Variants in RPTOR observed in about 807,000 individuals in gnomAD.
RPTOR encodes regulatory-associated protein of mTOR.
In RPTOR, 21 loss-of-function variants were observed where a neutral mutation model predicts 169.9. The ratio of observed to expected loss-of-function variants is 0.12; its 90% confidence interval spans 0.09 to 0.18. The LOEUF is 0.18. RPTOR is among the 10% of genes least tolerant of loss of function. The pLI, the probability that RPTOR is intolerant of heterozygous loss-of-function variation, is 1.00. For synonymous variants in RPTOR, 732 were observed against 753.2 expected (o/e 0.97, Z 0.46); for missense variants, 1,133 against 1,855.9 (o/e 0.61, Z 7.16).
intron 1 of RPTOR, among the ~76,000 whole-genome samples, chr17:80,575,442 T>A (rs1049212540): frequency 6.6e-6 from 1 of 152,266 alleles, no homozygotes; most frequent in African/African-American, 2.4e-5. Flanking sequence ...TTTTGATCAG[T>A]AGACGTCTGT....
At chr17:80,551,022 G>C (rs1382656131) in intron 1 of RPTOR, among the ~76,000 whole-genome samples, 1 of 152,104 alleles carries the variant, frequency 6.6e-6, no homozygotes, top group Non-Finnish European at 1.5e-5. Context: ...CGAGTAGCTG[G>C]GACTACCAGT....
intron 21 of RPTOR, among the ~76,000 whole-genome samples, chr17:80,915,974 T>A (rs1177570403): frequency 1.3e-5 from 2 of 152,176 alleles, no homozygotes; most frequent in Non-Finnish European, 1.5e-5. Flanking sequence ...GGAGAGGAGC[T>A]ACCAACTGTG....
chr17:80,719,486 C>T (rs77739809), intron 4 of RPTOR, among the ~76,000 whole-genome samples: 3,610 of 152,236 alleles, frequency 0.024, 141 homozygotes, highest in African/African-American at 0.079. Context: ...GGCATCTTCT[C>T]AGGGCTCGTT....
At chr17:80,770,587 A>G (rs1281350604) in intron 6 of RPTOR, among the ~76,000 whole-genome samples, 1 of 152,108 alleles carries the variant, frequency 6.6e-6, no homozygotes, top group African/African-American at 2.4e-5. Context: ...GTCACCTACC[A>G]TTTCTAATGG....
intron 6 of RPTOR, among the ~76,000 whole-genome samples, chr17:80,761,195 G>A (rs536899362): frequency 2.2e-4 from 34 of 152,086 alleles, no homozygotes; most frequent in African/African-American, 6.0e-4. Context: ...GATTTATTAC[G>A]CGTCTATTTG....
chr17:80,796,350 G>T, intron 7 of RPTOR, among the ~76,000 whole-genome samples: 1 of 152,184 alleles, frequency 6.6e-6, no homozygotes. Context: ...CATCACACTG[G>T]GTAATTTATA....
intron 13 of RPTOR, among the ~76,000 whole-genome samples, chr17:80,858,372 G>A (rs1045457651): frequency 4.6e-5 from 7 of 152,240 alleles, no homozygotes; most frequent in African/African-American, 1.7e-4. Flanking sequence ...GCCAGGCCCC[G>A]AGGTGTTAGG....
At chr17:80,903,447 C>T (rs989129820) in intron 20 of RPTOR, among the ~76,000 whole-genome samples, 3 of 152,258 alleles carry the variant, frequency 2.0e-5, no homozygotes, top group African/African-American at 7.2e-5. Flanking sequence ...CCCTGCACCC[C>T]AGGCCTGCCC....
intron 21 of RPTOR, among the ~76,000 whole-genome samples, chr17:80,913,436 T>C (rs1436443514): frequency 6.6e-6 from 1 of 152,060 alleles, no homozygotes; most frequent in African/African-American, 2.4e-5. Flanking sequence ...TTCTCTTGGT[T>C]TAGTTTTGGG....
intron 6 of RPTOR, among the ~76,000 whole-genome samples, chr17:80,779,178 G>A (rs1017535005): frequency 6.6e-6 from 1 of 152,238 alleles, no homozygotes; most frequent in Non-Finnish European, 1.5e-5. Flanking sequence ...TAGGCATGAG[G>A]GCTGGAGCTC....
intron 31 of RPTOR, 28 bp downstream of exon 31, chr17:80,961,508 T>C: frequency 6.5e-7 from 1 of 1,543,232 alleles, no homozygotes; most frequent in Non-Finnish European, 8.7e-7. Flanking sequence ...TTAGCAGCCG[T>C]TCTGCTGTAA....
At chr17:80,818,275 C>T (rs549950234) in intron 7 of RPTOR, among the ~76,000 whole-genome samples, 25 of 152,276 alleles carry the variant, frequency 1.6e-4, no homozygotes, top group African/African-American at 5.8e-4. Flanking sequence ...TGAACTGTAG[C>T]TTTTTACAGT....
At chr17:80,679,240 G>T (rs1252295996) in intron 3 of RPTOR, among the ~76,000 whole-genome samples, 1 of 152,216 alleles carries the variant, frequency 6.6e-6, no homozygotes, top group Non-Finnish European at 1.5e-5. Flanking sequence ...TTGTGCCACT[G>T]CACTCCAGCC....
At chr17:80,747,232 CA>C (rs1319018881) in intron 5 of RPTOR, among the ~76,000 whole-genome samples, 2 of 152,144 alleles carry the variant, frequency 1.3e-5, no homozygotes, top group Non-Finnish European at 2.9e-5. Context: ...AAAAACAAAA[CA>C]AAACAAAACC....
chr17:80,901,420 A>G (rs377174423), intron 20 of RPTOR, among the ~76,000 whole-genome samples: 1 of 151,934 alleles, frequency 6.6e-6, no homozygotes, highest in South Asian at 2.1e-4. Flanking sequence ...TTATTCGTAT[A>G]TCATTCAAAT....
intron 6 of RPTOR, among the ~76,000 whole-genome samples, chr17:80,790,608 C>T (rs2067037812): frequency 6.6e-6 from 1 of 152,198 alleles, no homozygotes; most frequent in Non-Finnish European, 1.5e-5. Flanking sequence ...TTGCACTGCA[C>T]CCTCCCCTGG....
chr17:80,754,316 C>G lies in RPTOR; in HGVS notation c.830+131C>G. 1 of 882,874 alleles carries G rather than the reference C, an allele frequency of 1.1e-6. No homozygotes were observed. Among genetic ancestry groups the G allele is most frequent in the Non-Finnish European group, 1.7e-6 (1 of 580,364 alleles). The allele number at this position is 882,874 out of a possible 1,614,324, so 54.7% of individuals were successfully genotyped here. ...TGACAGACATGAGTGTCCCCGCCTT[C>G]TTTTTGTGTCATTCGGGATTCCAGG... On this transcript the variant is annotated intron_variant, in intron 6 of 33. Coordinates refer to ENST00000306801, the MANE Select transcript of RPTOR (RefSeq NM_020761.3). This position sits in a 1 kb window ranked among gnomAD's most constrained non-coding sequence, Gnocchi z 4.2.
chr17:80,647,811 T>A lies in RPTOR; in HGVS notation c.348+4001T>A, dbSNP rs2065608618. On this transcript the variant is annotated intron_variant, in intron 3 of 33. Transcript: ENST00000306801. ...GTCTGCGAGTAGTGAAGGCAGCAAG[T>A]CCTGTGTGGCGGCCGTGGGGCTTCC... Among the ~76,000 whole-genome samples the A allele has an allele frequency of 3.3e-5, 5 of 152,068 alleles. No homozygotes were observed. The South Asian group carries it at 1.0e-3, about 32-fold the overall frequency.
At chr17:80,950,277 G>A (rs1171895129) in intron 28 of RPTOR, among the ~76,000 whole-genome samples, 4 of 152,222 alleles carry the variant, frequency 2.6e-5, no homozygotes, top group Non-Finnish European at 5.9e-5. Context: ...CCCCTCTGCC[G>A]GCTCCTGCCG....
Sources: gnomAD v4.1 joint callset for allele counts (sites outside exome capture counted in the v4.1 genomes callset) on GRCh38, gnomAD v4.1.1 for gene constraint, Gnocchi (gnomAD v3.1) non-coding constraint, MANE v1.5 for transcripts, NCBI Gene and HGNC (gene_info 2026-07-23, HGNC 2026-07-21) for gene names.